Variants in RABEP1 observed in about 807,000 individuals in gnomAD.
RABEP1 encodes the protein rab GTPase-binding effector protein 1.
In RABEP1, 51 loss-of-function variants were observed where a neutral mutation model predicts 123.4. The ratio of observed to expected loss-of-function variants is 0.41; its 90% CI spans 0.33 to 0.52. RABEP1 has a LOEUF of 0.52. Ranked by LOEUF, RABEP1 falls within the 20% of genes least tolerant of loss-of-function variation. RABEP1 has a pLI of 0.16. For missense variants in RABEP1, 888 were observed against 996.3 expected (o/e 0.89, Z 1.46); for synonymous variants, 347 against 355.2 (o/e 0.98, Z 0.26).
chr17:5,378,215 A>C lies in RABEP1; in HGVS notation c.2254A>C (p.Lys752Gln). The C allele has an allele frequency of 1.3e-6, 2 of 1,593,992 alleles. No homozygotes were observed. Among genetic ancestry groups the C allele is most frequent in the South Asian group, 1.1e-5 (1 of 90,578 alleles). ...SSLKAELERI[K>Q]VEKGQLESTL... ...CCTAAAAGCTGAATTAGAAAGAATA[A>C]AAGTGGAAAAAGGACAGGTAAGTCG... The change falls in exon 15 of 18, where the codon AAA (lysine) becomes CAA (glutamine). Residue 752 changes from lysine to glutamine, a missense_variant. Physicochemically the swap from Lys to Gln is moderately conservative, Grantham distance 53. Coordinates refer to ENST00000537505, the MANE Select transcript of RABEP1 (RefSeq NM_004703.6).
At chr17:5,288,399 A>AT (rs1422729854) in intron 1 of RABEP1, among the ~76,000 whole-genome samples, 6 of 151,874 alleles carry the variant, frequency 4.0e-5, no homozygotes, top group African/African-American at 9.7e-5. Flanking sequence ...ATTTTATTTT[A>AT]TTTATTTATT....
intron 11 of RABEP1, among the ~76,000 whole-genome samples, chr17:5,367,371 A>T (rs1271560859): frequency 6.6e-6 from 1 of 151,612 alleles, no homozygotes; most frequent in Admixed American, 6.6e-5. Context: ...TCCCAGGTTC[A>T]AGCGATTCTC....
At chr17:5,381,279 G>A (rs548593665) in intron 16 of RABEP1, 110 bp from the exon 17 acceptor site, 22 of 1,484,320 alleles carry the variant, frequency 1.5e-5, no homozygotes, top group South Asian at 2.7e-5. Context: ...GGAGTGCGAC[G>A]GATATCCACC....
chr17:5,325,883 A>G (rs1353112972), intron 2 of RABEP1, among the ~76,000 whole-genome samples: 2 of 152,210 alleles, frequency 1.3e-5, no homozygotes, highest in African/African-American at 4.8e-5. Context: ...CACATTACCA[A>G]ATGGGCAGAA....
At chr17:5,340,597 A>C (rs1427017135) in intron 5 of RABEP1, among the ~76,000 whole-genome samples, 7 of 151,692 alleles carry the variant, frequency 4.6e-5, no homozygotes, top group South Asian at 4.1e-4. Flanking sequence ...TGGAAAAAGT[A>C]ATTACAAAAT....
In RABEP1 at chr17:5,361,424, G is replaced by C. The variant is rs202200366; in HGVS notation, c.1312G>C (p.Asp438His). 2.8e-5 allele frequency: 45 copies of C among 1,614,084 alleles called. No homozygotes were observed. Among genetic ancestry groups the C allele is most frequent in the African/African-American group, 4.0e-5 (3 of 74,938 alleles). The change falls in exon 9 of 18, where the codon GAT becomes CAT. Residue 438 changes from aspartate to histidine, a missense_variant. By Grantham distance (81) the Asp-to-His change is moderately conservative. Coordinates refer to ENST00000537505, the MANE Select transcript of RABEP1 (RefSeq NM_004703.6). ...AKSAGNLDES[D>H]FGPLVGADSV... ...ATCTGCTGGAAACCTGGACGAGTCA[G>C]ATTTTGGACCACTGGTAGGAGCAGA...
Position 5,349,619 on chromosome 17 carries a change from A to T in RABEP1, c.785-832A>T, listed in dbSNP as rs778137167. On this transcript the variant is annotated intron_variant, in intron 6 of 17. Coordinates refer to ENST00000537505, the MANE Select transcript of RABEP1 (RefSeq NM_004703.6). ...TAACAGATTTATCAGAATGTATTAAACACAATTAGGAGTGTTTATTCCACC... is the reference window on the plus strand; with the variant it reads ...TAACAGATTTATCAGAATGTATTAATCACAATTAGGAGTGTTTATTCCACC... Among the ~76,000 whole-genome samples, 28 of 152,310 alleles carry T rather than the reference A, an allele frequency of 1.8e-4. 1 individual carries two copies. Among genetic ancestry groups the T allele is most frequent in the Non-Finnish European group, 1.8e-4 (12 of 68,032 alleles).
intron 6 of RABEP1, among the ~76,000 whole-genome samples, chr17:5,349,395 A>G (rs1334606956): frequency 8.5e-5 from 13 of 152,338 alleles, no homozygotes; most frequent in African/African-American, 3.1e-4. Flanking sequence ...TCATAGTTGA[A>G]TATGTTGGGG....
In RABEP1 at chr17:5,385,584, A is replaced by G. The variant is rs1911888850; in HGVS notation, c.*2361A>G. Reference sequence around the variant, plus strand: ...TTTTTTTCTCCCTTTAAGGTGCTAAACTTGCACCTCATGTCCACTCAGTAA... The same window carrying G: ...TTTTTTTCTCCCTTTAAGGTGCTAAGCTTGCACCTCATGTCCACTCAGTAA... On this transcript the variant is annotated 3_prime_UTR_variant, in exon 18 of 18. Transcript: ENST00000537505. 1 of 230,938 alleles carries G rather than the reference A, an allele frequency of 4.3e-6. No individual in the cohort carries two copies. Among genetic ancestry groups the G allele is most frequent in the Admixed American group, 5.7e-5 (1 of 17,672 alleles). The allele number at this position is 230,938 out of a possible 1,614,324, so 14.3% of individuals were successfully genotyped here.
In RABEP1 at chr17:5,282,537, G is replaced by C. The variant is rs2074935274; in HGVS notation, c.34+17G>C. 11 of 1,196,282 alleles carry C rather than the reference G, an allele frequency of 9.2e-6. No individual in the cohort carries two copies. In the East Asian group the frequency reaches 3.4e-4, roughly 37 times the overall value. The allele number at this position is 1,196,282 out of a possible 1,614,324, so 74.1% of individuals were successfully genotyped here. ...AGCCTGACGGTGAGGCGCCCACCAT[G>C]GCAGGCGCGGCGGGCGCGGCCTGCC... On this transcript the variant is annotated intron_variant, in intron 1 of 17. Transcript: ENST00000537505.
At chr17:5,282,887 T>A (rs780054106) in intron 1 of RABEP1, among the ~76,000 whole-genome samples, 1 of 151,828 alleles carries the variant, frequency 6.6e-6, no homozygotes, top group Non-Finnish European at 1.5e-5. Flanking sequence ...CTATATTCGT[T>A]AAAGAAAAAA....
At chr17:5,360,612 C>T (rs1417518482) in intron 8 of RABEP1, among the ~76,000 whole-genome samples, 1 of 152,220 alleles carries the variant, frequency 6.6e-6, no homozygotes, top group African/African-American at 2.4e-5. Flanking sequence ...ACTACTCTGG[C>T]TTCTCCTTTG....
At chr17:5,292,509 C>T (rs141875033) in intron 1 of RABEP1, among the ~76,000 whole-genome samples, 2,227 of 152,116 alleles carry the variant, frequency 0.015, 62 homozygotes, top group African/African-American at 0.05. Flanking sequence ...CTCGGCCTCC[C>T]GAGTAGCTGG....
At chr17:5,330,697 T>TC (rs1906446607) in intron 2 of RABEP1, among the ~76,000 whole-genome samples, 1 of 152,108 alleles carries the variant, frequency 6.6e-6, no homozygotes, top group Admixed American at 6.5e-5. Flanking sequence ...ATTTTTTTTT[T>TC]CATAAATACC....
chr17:5,319,725 GATAA>G (rs1010847215), intron 2 of RABEP1, among the ~76,000 whole-genome samples: 11 of 152,038 alleles, frequency 7.2e-5, no homozygotes, highest in African/African-American at 1.9e-4. Flanking sequence ...TCTTAGAACT[GATAA>G]ATAGATTTTC....
At chr17:5,302,260 A>ATTTTTTTTT (rs1243436486) in intron 1 of RABEP1, among the ~76,000 whole-genome samples, 1 of 22,504 alleles carries the variant, frequency 4.4e-5, no homozygotes. Context: ...TTTTTTTTTG[A>ATTTTTTTTT]GATGGAGTCT....
chr17:5,305,814 T>C (rs1239750157), intron 1 of RABEP1, among the ~76,000 whole-genome samples: 1 of 152,232 alleles, frequency 6.6e-6, no homozygotes, highest in African/African-American at 2.4e-5. Flanking sequence ...TAATATGAGA[T>C]AATTGCACAT....
chr17:5,358,666 C>G (rs1240121739), intron 8 of RABEP1, among the ~76,000 whole-genome samples: 1 of 146,084 alleles, frequency 6.8e-6, no homozygotes, highest in Non-Finnish European at 1.5e-5. Context: ...GCGAGACTGT[C>G]TCCAGGAAAA....
chr17:5,299,168 C>A (rs977924442), intron 1 of RABEP1, among the ~76,000 whole-genome samples: 1 of 152,086 alleles, frequency 6.6e-6, no homozygotes, highest in Non-Finnish European at 1.5e-5. Context: ...CACACTGATA[C>A]CCAAACTGTC....
Sources: allele counts gnomAD v4.1 joint callset (sites outside exome capture counted in the v4.1 genomes callset), GRCh38; gene constraint gnomAD v4.1.1; transcripts MANE v1.5; gene names NCBI Gene and HGNC (gene_info 2026-07-23, HGNC 2026-07-21).